Variants in SUSD6 observed in about 807,000 individuals in gnomAD.
The protein encoded by SUSD6 is sushi domain containing 6.
Under a neutral mutation model 28.4 loss-of-function variants are expected in SUSD6, and 16 were observed. The observed-to-expected ratio is 0.56, with a 90% CI of 0.38 to 0.86. The LOEUF (loss-of-function observed/expected upper bound fraction) is 0.86, where lower values mean the gene tolerates loss of function less well. Ranked by LOEUF, SUSD6 falls within the 40% of genes least tolerant of loss-of-function variation. SUSD6 has a pLI of 0.00. For synonymous variants in SUSD6, 147 were observed against 159.6 expected (o/e 0.92, Z 0.59); for missense variants, 341 against 384.2 (o/e 0.89, Z 0.94).
At chr14:69,701,641 C>T (rs1318223096) in intron 2 of SUSD6, among the ~76,000 whole-genome samples, 1 of 152,122 alleles carries the variant, frequency 6.6e-6, no homozygotes, top group African/African-American at 2.4e-5. Flanking sequence ...GTTTTTCTTT[C>T]TCCTGTTCAA....
At chr14:69,697,200 G>A (rs1235544676) in intron 2 of SUSD6, among the ~76,000 whole-genome samples, 2 of 152,166 alleles carry the variant, frequency 1.3e-5, no homozygotes, top group East Asian at 1.9e-4. Context: ...AGCATATAAT[G>A]AGCAGTGAGG....
intron 1 of SUSD6, among the ~76,000 whole-genome samples, chr14:69,652,351 G>A (rs1885516864): frequency 6.6e-6 from 1 of 152,122 alleles, no homozygotes; most frequent in Non-Finnish European, 1.5e-5. Flanking sequence ...GGAGGCTGAG[G>A]CACGAGAATC....
intron 1 of SUSD6, among the ~76,000 whole-genome samples, chr14:69,651,986 CTT>C (rs1409306102): frequency 6.6e-6 from 1 of 152,122 alleles, no homozygotes; most frequent in African/African-American, 2.4e-5. Flanking sequence ...GTTCTTTGTC[CTT>C]TCTCATCATG....
chr14:69,702,313 C>T (rs999359169), intron 2 of SUSD6, among the ~76,000 whole-genome samples: 1 of 152,188 alleles, frequency 6.6e-6, no homozygotes, highest in African/African-American at 2.4e-5. Context: ...TGTAGTGCCC[C>T]CACTTTTACT....
chr14:69,660,109 A>G (rs1885640770), intron 2 of SUSD6, among the ~76,000 whole-genome samples: 2 of 152,150 alleles, frequency 1.3e-5, no homozygotes, highest in South Asian at 4.1e-4. Flanking sequence ...AGATCCTGGA[A>G]GGGGACTTTG....
intron 2 of SUSD6, among the ~76,000 whole-genome samples, chr14:69,674,742 G>A (rs894161568): frequency 6.6e-6 from 1 of 152,114 alleles, no homozygotes; most frequent in Non-Finnish European, 1.5e-5. Context: ...CTGGCTTGGA[G>A]AGAATTAGAG....
At chr14:69,628,562 T>C (rs1885148558) in intron 1 of SUSD6, among the ~76,000 whole-genome samples, 1 of 152,160 alleles carries the variant, frequency 6.6e-6, no homozygotes, top group Non-Finnish European at 1.5e-5. Flanking sequence ...AAGTATTGAA[T>C]GTGTGCCCTG....
At chr14:69,630,259 G>A (rs973877524) in intron 1 of SUSD6, among the ~76,000 whole-genome samples, 3 of 152,164 alleles carry the variant, frequency 2.0e-5, no homozygotes, top group African/African-American at 7.2e-5. Flanking sequence ...CAGTCTGAAC[G>A]TTTGGCCAAA....
At chr14:69,695,748 T>C (rs1886215805) in intron 2 of SUSD6, among the ~76,000 whole-genome samples, 2 of 152,344 alleles carry the variant, frequency 1.3e-5, no homozygotes, top group East Asian at 3.9e-4. Flanking sequence ...CTCATCTGTG[T>C]AATGCATTGT....
At chr14:69,621,281 G>A (rs892600715) in intron 1 of SUSD6, among the ~76,000 whole-genome samples, 1 of 152,202 alleles carries the variant, frequency 6.6e-6, no homozygotes, top group Admixed American at 6.5e-5. Flanking sequence ...AGGAATGAAA[G>A]AGTGGTATTA....
chr14:69,694,340 C>G (rs1358780867), intron 2 of SUSD6, among the ~76,000 whole-genome samples: 2 of 152,156 alleles, frequency 1.3e-5, no homozygotes, highest in Non-Finnish European at 2.9e-5. Flanking sequence ...TTGTGATTAA[C>G]CTTTTGAATC....
chr14:69,687,582 C>T (rs889393005), intron 2 of SUSD6, among the ~76,000 whole-genome samples: 12 of 152,184 alleles, frequency 7.9e-5, no homozygotes, highest in East Asian at 5.8e-4. Context: ...AGTTTCAATC[C>T]GTAACTGTGG....
chr14:69,616,203 G>A (rs1013690372), intron 1 of SUSD6, among the ~76,000 whole-genome samples: 3 of 152,148 alleles, frequency 2.0e-5, no homozygotes, highest in Admixed American at 1.3e-4. Context: ...TCTGCAGTTG[G>A]AGATTGGATA....
chr14:69,701,519 A>G (rs952241746), intron 2 of SUSD6, among the ~76,000 whole-genome samples: 8 of 152,344 alleles, frequency 5.3e-5, no homozygotes, highest in Admixed American at 1.3e-4. Context: ...CCTGAACAAA[A>G]GAGGGAAAGT....
intron 1 of SUSD6, among the ~76,000 whole-genome samples, chr14:69,639,956 GTTTTTTTTTTTT>G (rs11463756): frequency 2.4e-5 from 2 of 81,640 alleles, no homozygotes; most frequent in Non-Finnish European, 4.4e-5. Flanking sequence ...CACCTACACT[GTTTTTTTTTTTT>G]TTTTTTTTTT....
At chr14:69,649,746 A>G (rs1166365090) in intron 1 of SUSD6, among the ~76,000 whole-genome samples, 1 of 152,190 alleles carries the variant, frequency 6.6e-6, no homozygotes, top group Non-Finnish European at 1.5e-5. Flanking sequence ...TGGTCCAGGC[A>G]GGGATGCTGA....
chr14:69,711,137 G>A lies in SUSD6; in HGVS notation c.*158G>A. 1.5e-6 allele frequency: 1 copy of A among 673,470 alleles called. No homozygotes were observed. Among genetic ancestry groups the A allele is most frequent in the Non-Finnish European group, 2.6e-6 (1 of 387,452 alleles). The allele number at this position is 673,470 out of a possible 1,614,324, so 41.7% of individuals were successfully genotyped here. ...TCTGAGGGCCCTATAGGCCCACCTTGCTGGAAACTCAAGGAAGATTCTCGC... is the reference window on the plus strand; with the variant it reads ...TCTGAGGGCCCTATAGGCCCACCTTACTGGAAACTCAAGGAAGATTCTCGC... On this transcript the variant is annotated 3_prime_UTR_variant, in exon 6 of 6. Transcript: ENST00000342745.
chr14:69,639,181 A>T (rs1012221133), intron 1 of SUSD6, among the ~76,000 whole-genome samples: 1 of 151,958 alleles, frequency 6.6e-6, no homozygotes, highest in African/African-American at 2.4e-5. Flanking sequence ...ACAAAAAATT[A>T]GCCAGGCGTT....
intron 1 of SUSD6, among the ~76,000 whole-genome samples, chr14:69,652,140 C>G (rs1377827025): frequency 6.6e-6 from 1 of 152,156 alleles, no homozygotes; most frequent in Non-Finnish European, 1.5e-5. Flanking sequence ...CATCCCAGTT[C>G]CCTCTCTTAA....
Sources: gnomAD v4.1 joint callset for allele counts (sites outside exome capture counted in the v4.1 genomes callset) on GRCh38, gnomAD v4.1.1 for gene constraint, MANE v1.5 for transcripts, NCBI Gene and HGNC (gene_info 2026-07-23, HGNC 2026-07-21) for gene names.